The following STK4 variants were observed in gnomAD, a reference collection of about 807,000 sequenced individuals.
STK4 encodes the protein serine/threonine kinase 4.
In STK4, 30 loss-of-function variants were observed where a neutral mutation model predicts 64.9. The ratio of observed to expected loss-of-function variants is 0.46; its 90% CI spans 0.35 to 0.63. The LOEUF (loss-of-function observed/expected upper bound fraction) is 0.63. STK4 is among the 20% of genes least tolerant of loss of function. The pLI, the probability that STK4 is intolerant of heterozygous loss-of-function variation, is 0.01. For missense variants in STK4, 466 were observed against 598.5 expected (o/e 0.78, Z 2.31); for synonymous variants, 177 against 199.0 (o/e 0.89, Z 0.93).
At chr20:45,036,497 T>C (rs2068529210) in intron 10 of STK4, among the ~76,000 whole-genome samples, 1 of 152,118 alleles carries the variant, frequency 6.6e-6, no homozygotes, top group Non-Finnish European at 1.5e-5. Context: ...TGCTTAATAA[T>C]GTCCCCAGCG....
Position 45,001,276 on chromosome 20 carries a change from A to G in STK4, c.1070A>G (p.His357Arg), listed in dbSNP as rs923962859. 6.2e-7 allele frequency: 1 copy of G among 1,614,218 alleles called. No individual in the cohort carries two copies. Among genetic ancestry groups the G allele is most frequent in the Non-Finnish European group, 8.5e-7 (1 of 1,180,024 alleles). ...MTDGANTMIEHDDTLPSQLGT... is the reference protein window; with the variant it reads ...MTDGANTMIERDDTLPSQLGT... ...GATGGAGCCAATACTATGATTGAGCACGATGACACGTTGCCATCACAACTG... is the reference window on the plus strand; with the variant it reads ...GATGGAGCCAATACTATGATTGAGCGCGATGACACGTTGCCATCACAACTG... The change falls in exon 9 of 11, where the codon CAC becomes CGC. Residue 357 changes from histidine to arginine, a missense_variant. Around this residue, in one of 2 missense-constraint regions of STK4, gnomAD observed 276 missense variants for 308.9 expected, o/e 0.89. Transcript: ENST00000372806.
chr20:44,989,056 CT>C (rs1355194690), intron 5 of STK4, among the ~76,000 whole-genome samples: 19 of 152,078 alleles, frequency 1.2e-4, no homozygotes, highest in Admixed American at 1.2e-3. Context: ...ATTGTTTCTG[CT>C]TTTTGGCTGT....
chr20:45,015,878 G>A (rs1322804709), intron 9 of STK4, among the ~76,000 whole-genome samples: 1 of 152,198 alleles, frequency 6.6e-6, no homozygotes, highest in African/African-American at 2.4e-5. Context: ...ATTATAGTAA[G>A]TCTTTTAATG....
chr20:45,036,337 G>A (rs983316621), intron 10 of STK4, among the ~76,000 whole-genome samples: 3 of 152,052 alleles, frequency 2.0e-5, no homozygotes, highest in Non-Finnish European at 2.9e-5. Flanking sequence ...TTGTGCCATG[G>A]CGCATCATCC....
chr20:45,071,905 A>G (rs1198128472), intron 10 of STK4, among the ~76,000 whole-genome samples: 1 of 151,996 alleles, frequency 6.6e-6, no homozygotes, highest in East Asian at 1.9e-4. Context: ...ATCTGGGACT[A>G]TAGGTGTGCA....
At chr20:45,041,154 A>G (rs1250809521) in intron 10 of STK4, among the ~76,000 whole-genome samples, 2 of 152,088 alleles carry the variant, frequency 1.3e-5, no homozygotes, top group Non-Finnish European at 2.9e-5. Context: ...TGTTTGAGGT[A>G]TTGCTTTTTA....
At chr20:45,040,146 T>G (rs1301720544) in intron 10 of STK4, among the ~76,000 whole-genome samples, 2 of 151,574 alleles carry the variant, frequency 1.3e-5, no homozygotes, top group Non-Finnish European at 2.9e-5. Context: ...TCTTTTTCCG[T>G]TGTTAGAAAC....
chr20:44,981,684 T>G (rs181538589), intron 3 of STK4, 145 bp from the exon 4 acceptor site: 44 of 513,716 alleles, frequency 8.6e-5, no homozygotes, highest in African/African-American at 7.3e-4. Context: ...CATTTTGCAT[T>G]CTTATCAGGA....
intron 10 of STK4, among the ~76,000 whole-genome samples, chr20:45,051,783 A>C (rs1848360223): frequency 6.6e-6 from 1 of 152,236 alleles, no homozygotes; most frequent in African/African-American, 2.4e-5. Flanking sequence ...GCTTGCAGGC[A>C]GGGAGACAGA....
chr20:45,005,999 T>C (rs1470137134), intron 9 of STK4, among the ~76,000 whole-genome samples: 4 of 151,906 alleles, frequency 2.6e-5, no homozygotes, highest in African/African-American at 9.7e-5. Context: ...GTCAATATTG[T>C]TCTTTTCTAG....
intron 1 of STK4, among the ~76,000 whole-genome samples, chr20:44,970,889 TTGTGTGTG>T (rs60332680): frequency 2.7e-5 from 4 of 148,052 alleles, no homozygotes; most frequent in East Asian, 3.9e-4. Context: ...AGGTACACAT[TTGTGTGTG>T]TGTGTGTGTG....
In STK4 at chr20:45,075,062, C is replaced by G; in HGVS notation, c.1350C>G (p.Ala450=). The part of the protein sequence containing the change: ...TVEDLQKRLL[A]LDPMMEQEIE... ...AGGACCTTCAGAAGAGGCTCTTGGC[C>G]CTGGACCCCATGATGGAGCAGGAGA... The change falls in exon 11 of 11, where the codon GCC becomes GCG. Residue 450 remains alanine (A), a synonymous_variant. Coordinates refer to ENST00000372806, the MANE Select transcript of STK4 (RefSeq NM_006282.5). 1 of 1,614,160 alleles carries G rather than the reference C, an allele frequency of 6.2e-7. No individual in the cohort carries two copies. Among genetic ancestry groups the G allele is most frequent in the Middle Eastern group, 1.6e-4 (1 of 6,062 alleles).
At chr20:44,978,997 C>T (rs767930138) in intron 3 of STK4, among the ~76,000 whole-genome samples, 21 of 151,964 alleles carry the variant, frequency 1.4e-4, no homozygotes, top group Non-Finnish European at 2.2e-4. Context: ...GATGGAATTT[C>T]ACCATATTCG....
intron 10 of STK4, among the ~76,000 whole-genome samples, chr20:45,068,660 T>A (rs1171257578): frequency 6.6e-6 from 1 of 152,202 alleles, no homozygotes; most frequent in Non-Finnish European, 1.5e-5. Context: ...CCTTCATGTT[T>A]CTTCCAGTTG....
chr20:45,050,095 G>A (rs1334858749), intron 10 of STK4, among the ~76,000 whole-genome samples: 2 of 152,170 alleles, frequency 1.3e-5, no homozygotes, highest in Non-Finnish European at 2.9e-5. Context: ...TTCAGAGTAA[G>A]GGGATCTTCC....
intron 10 of STK4, among the ~76,000 whole-genome samples, chr20:45,032,694 C>G (rs1265410321): frequency 6.6e-6 from 1 of 152,154 alleles, no homozygotes; most frequent in African/African-American, 2.4e-5. Context: ...AGGTTAATTT[C>G]ATGTTTTTGC....
chr20:45,048,896 A>C (rs898151842), intron 10 of STK4, among the ~76,000 whole-genome samples: 2 of 152,090 alleles, frequency 1.3e-5, no homozygotes, highest in Non-Finnish European at 2.9e-5. Context: ...TATCAAGGAT[A>C]CTCACTAAAA....
intron 9 of STK4, among the ~76,000 whole-genome samples, chr20:45,022,650 C>A (rs1407623905): frequency 6.6e-6 from 1 of 152,150 alleles, no homozygotes; most frequent in African/African-American, 2.4e-5. Context: ...TTTAAAGATT[C>A]AATTTCTTAA....
At position 44,984,805 on chromosome 20, in the gene STK4, A is replaced by T. The variant is rs182958199; in HGVS notation, c.361-2327A>T. The stretch of plus-strand genomic sequence containing the variant: ...TTCTTTCTTTTTTTTTTTCAAAGAT[A>T]GAGTCTTGCTCTGTTGCCCAGGCTA... On this transcript the variant is annotated intron_variant, in intron 4 of 10. Transcript: ENST00000372806. Among the ~76,000 whole-genome samples, 182 of 150,840 alleles carry T rather than the reference A, an allele frequency of 1.2e-3. 2 individuals are homozygous for T. Among genetic ancestry groups the T allele is most frequent in the Non-Finnish European group, 3.1e-4 (21 of 67,640 alleles).
Sources: gnomAD v4.1 joint callset for allele counts (sites outside exome capture counted in the v4.1 genomes callset) on GRCh38, gnomAD v4.1.1 for gene constraint, gnomAD v4.1.1 regional missense constraint, MANE v1.5 for transcripts, NCBI Gene and HGNC (gene_info 2026-07-23, HGNC 2026-07-21) for gene names.